ZNF804A: variants seen among roughly 807,000 people sequenced by gnomAD.
The protein encoded by ZNF804A is zinc finger protein 804A.
Under a neutral mutation model 16.5 loss-of-function variants are expected in ZNF804A, and 2 were observed. The ratio of observed to expected loss-of-function variants is 0.12; its 90% CI spans 0.05 to 0.38. The LOEUF is 0.38. ZNF804A is among the 10% of genes least tolerant of loss of function. The probability of loss-of-function intolerance (pLI) is 0.99; values close to 1 mark genes in which losing one functional copy is unlikely to be tolerated. For missense variants in ZNF804A, 1,473 were observed against 1,390.7 expected (o/e 1.06, Z -0.94); for synonymous variants, 534 against 489.6 (o/e 1.09, Z -1.20).
At chr2:184,639,782 C>G (rs868417676) in intron 1 of ZNF804A, among the ~76,000 whole-genome samples, 6 of 152,134 alleles carry the variant, frequency 3.9e-5, no homozygotes, top group Non-Finnish European at 7.4e-5. Context: ...GCAGGCGGAT[C>G]ACGAGGTCAG....
chr2:184,813,825 C>T (rs984626486), intron 1 of ZNF804A, among the ~76,000 whole-genome samples: 1 of 151,786 alleles, frequency 6.6e-6, no homozygotes, highest in Non-Finnish European at 1.5e-5. Flanking sequence ...ATACCTTGTT[C>T]TTCTTTCCTC....
chr2:184,803,149 C>T (rs539122281), intron 1 of ZNF804A, among the ~76,000 whole-genome samples: 2 of 152,200 alleles, frequency 1.3e-5, no homozygotes, highest in East Asian at 1.9e-4. Context: ...CACATTGGCA[C>T]GTTATTGTTT....
chr2:184,864,959 C>T (rs554555535), intron 1 of ZNF804A, among the ~76,000 whole-genome samples: 2 of 147,716 alleles, frequency 1.4e-5, no homozygotes, highest in Admixed American at 1.4e-4. Flanking sequence ...CAGCTCACTG[C>T]AACCTCTGCC....
At chr2:184,684,698 G>A (rs1179721087) in intron 1 of ZNF804A, among the ~76,000 whole-genome samples, 1 of 152,078 alleles carries the variant, frequency 6.6e-6, no homozygotes, top group Non-Finnish European at 1.5e-5. Flanking sequence ...GTACCCAATA[G>A]GTAGATTTCC....
At chr2:184,892,886 A>G (rs1685010234) in intron 2 of ZNF804A, among the ~76,000 whole-genome samples, 2 of 152,184 alleles carry the variant, frequency 1.3e-5, no homozygotes, top group Non-Finnish European at 2.9e-5. Flanking sequence ...ATTTATGATT[A>G]TATTTTGTTC....
chr2:184,858,471 T>C (rs1199587952), intron 1 of ZNF804A, among the ~76,000 whole-genome samples: 1 of 148,016 alleles, frequency 6.8e-6, no homozygotes, highest in Admixed American at 6.8e-5. Flanking sequence ...GCCACTGCAC[T>C]CCAGCCTATG....
At chr2:184,767,560 C>T (rs906336452) in intron 1 of ZNF804A, among the ~76,000 whole-genome samples, 3 of 152,198 alleles carry the variant, frequency 2.0e-5, no homozygotes, top group Middle Eastern at 3.4e-3. Context: ...CTACGTGCTT[C>T]AAAATGGCTA....
chr2:184,629,321 C>A (rs937951086), intron 1 of ZNF804A, among the ~76,000 whole-genome samples: 3 of 151,918 alleles, frequency 2.0e-5, no homozygotes, highest in Non-Finnish European at 4.4e-5. Flanking sequence ...CAAAAGCACT[C>A]CTGAGAGGGA....
intron 1 of ZNF804A, among the ~76,000 whole-genome samples, chr2:184,648,108 T>TAAGAA (rs899773108): frequency 2.6e-5 from 4 of 151,936 alleles, no homozygotes; most frequent in African/African-American, 7.3e-5. Flanking sequence ...TAAATAATTT[T>TAAGAA]AAGAAAAGAA....
chr2:184,762,525 ACT>A (rs1248384783), intron 1 of ZNF804A, among the ~76,000 whole-genome samples: 2 of 151,760 alleles, frequency 1.3e-5, no homozygotes, highest in African/African-American at 4.8e-5. Context: ...ATATTTGCCT[ACT>A]CTCTGTTACT....
At chr2:184,858,644 G>A (rs917842656) in intron 1 of ZNF804A, among the ~76,000 whole-genome samples, 1 of 151,552 alleles carries the variant, frequency 6.6e-6, no homozygotes, top group African/African-American at 2.4e-5. Context: ...ACTAATTATT[G>A]TAATGATAAT....
chr2:184,807,181 A>G (rs1694821243), intron 1 of ZNF804A, among the ~76,000 whole-genome samples: 1 of 151,892 alleles, frequency 6.6e-6, no homozygotes, highest in South Asian at 2.1e-4. Flanking sequence ...TCATATTACT[A>G]TTCCTGTCCT....
At chr2:184,820,015 T>G (rs977831796) in intron 1 of ZNF804A, among the ~76,000 whole-genome samples, 25 of 151,896 alleles carry the variant, frequency 1.6e-4, no homozygotes, top group African/African-American at 6.0e-4. Flanking sequence ...ATCATTTCTA[T>G]TGAAACTATT....
At chr2:184,850,901 G>A (rs1032588104) in intron 1 of ZNF804A, among the ~76,000 whole-genome samples, 1 of 151,644 alleles carries the variant, frequency 6.6e-6, no homozygotes, top group Non-Finnish European at 1.5e-5. Context: ...TTCATCAATG[G>A]TAATTTGTAC....
At chr2:184,758,437 T>A (rs1181830915) in intron 1 of ZNF804A, among the ~76,000 whole-genome samples, 1 of 151,926 alleles carries the variant, frequency 6.6e-6, no homozygotes, top group Non-Finnish European at 1.5e-5. Flanking sequence ...AACAATTCTA[T>A]AAAGTAGATA....
At chr2:184,879,428 A>G (rs1226689651) in intron 2 of ZNF804A, among the ~76,000 whole-genome samples, 2 of 151,894 alleles carry the variant, frequency 1.3e-5, no homozygotes, top group Non-Finnish European at 2.9e-5. Flanking sequence ...TTAAACTTTT[A>G]TTGTATCACT....
intron 1 of ZNF804A, among the ~76,000 whole-genome samples, chr2:184,734,346 A>G (rs1693575636): frequency 6.6e-6 from 1 of 152,196 alleles, no homozygotes; most frequent in Non-Finnish European, 1.5e-5. Context: ...GCTACATCCT[A>G]CAAACTTTTG....
chr2:184,655,903 A>C (rs950502429), intron 1 of ZNF804A, among the ~76,000 whole-genome samples: 22 of 152,120 alleles, frequency 1.4e-4, no homozygotes, highest in African/African-American at 5.3e-4. Context: ...TTTTATGTGA[A>C]TGAAAATTTT....
chr2:184,742,121 G>T (rs951405056), intron 1 of ZNF804A, among the ~76,000 whole-genome samples: 3 of 151,788 alleles, frequency 2.0e-5, no homozygotes, highest in African/African-American at 7.3e-5. Flanking sequence ...GTACCAATTT[G>T]CAGATCATTT....
Sources: gnomAD v4.1 joint callset for allele counts (sites outside exome capture counted in the v4.1 genomes callset) on GRCh38, gnomAD v4.1.1 for gene constraint, MANE v1.5 for transcripts, NCBI Gene and HGNC (gene_info 2026-07-23, HGNC 2026-07-21) for gene names.